Variants in ANKRD28 observed in about 807,000 individuals in gnomAD.
ANKRD28 encodes ankyrin repeat domain 28.
ANKRD28 carries 44 observed loss-of-function variants against 126.5 expected under a neutral mutation model. The observed-to-expected ratio is 0.35, with a 90% CI of 0.27 to 0.45. ANKRD28 has a LOEUF of 0.45. ANKRD28 is among the 20% of genes least tolerant of loss of function. ANKRD28 has a pLI of 1.00. For synonymous variants in ANKRD28, 442 were observed against 468.5 expected (o/e 0.94, Z 0.73); for missense variants, 1,110 against 1,316.6 (o/e 0.84, Z 2.43).
chr3:15,769,849 G>C (rs777199347), intron 2 of ANKRD28, among the ~76,000 whole-genome samples: 21 of 152,126 alleles, frequency 1.4e-4, no homozygotes, highest in Non-Finnish European at 2.9e-4. Context: ...AAGGCAAACA[G>C]TGAACAGTAA....
chr3:15,755,411 A>G (rs1333113626), intron 3 of ANKRD28, among the ~76,000 whole-genome samples: 1 of 152,242 alleles, frequency 6.6e-6, no homozygotes, highest in Non-Finnish European at 1.5e-5. Flanking sequence ...ATAGCAGCAC[A>G]TTTCAGATGG....
intron 21 of ANKRD28, chr3:15,683,833 C>T (rs1230041729): frequency 6.6e-6 from 1 of 152,192 alleles, no homozygotes; most frequent in Non-Finnish European, 1.5e-5. Flanking sequence ...GAACAGCTCC[C>T]AGTGAAAGAA....
intron 1 of ANKRD28, among the ~76,000 whole-genome samples, chr3:15,828,780 T>C (rs760742834): frequency 6.6e-6 from 1 of 152,192 alleles, no homozygotes; most frequent in Non-Finnish European, 1.5e-5. Flanking sequence ...TTCACAGATA[T>C]TTCTTGAAAC....
intron 2 of ANKRD28, among the ~76,000 whole-genome samples, chr3:15,777,770 T>G (rs1294527890): frequency 1.3e-5 from 2 of 151,778 alleles, no homozygotes; most frequent in Admixed American, 1.3e-4. Flanking sequence ...ATTTGCAGTT[T>G]TCTGTTTATG....
intron 2 of ANKRD28, among the ~76,000 whole-genome samples, chr3:15,790,010 T>A (rs1293398087): frequency 6.6e-6 from 1 of 152,052 alleles, no homozygotes; most frequent in Non-Finnish European, 1.5e-5. Flanking sequence ...GTGGTTACTG[T>A]AAGCAACTAT....
At chr3:15,777,294 A>G (rs1277861893) in intron 2 of ANKRD28, among the ~76,000 whole-genome samples, 1 of 151,882 alleles carries the variant, frequency 6.6e-6, no homozygotes, top group East Asian at 1.9e-4. Context: ...AAAAAGAAAA[A>G]AAAGAAAAAA....
intron 3 of ANKRD28, among the ~76,000 whole-genome samples, chr3:15,764,410 T>C (rs1194784533): frequency 6.6e-6 from 1 of 152,066 alleles, no homozygotes; most frequent in East Asian, 1.9e-4. Flanking sequence ...CCATCATACT[T>C]ACAGAAACCA....
rs147896414 is a variant in ANKRD28, at chr3:15,710,837, GA to G, written c.1337+373del. ...CAAAATGAACATTTTTTTCCTGGGG[GA>G]AAAAAAAATTAACAAATCTACTTAA... On this transcript the variant is annotated intron_variant, in intron 12 of 27. Transcript: ENST00000683139. Among the ~76,000 whole-genome samples, 15 of 150,690 alleles carry G rather than the reference GA, an allele frequency of 1.0e-4. No individual in the cohort carries two copies. In the South Asian group the frequency reaches 2.5e-3, roughly 25 times the overall value.
intron 27 of ANKRD28, among the ~76,000 whole-genome samples, chr3:15,675,528 A>G (rs773601997): frequency 2.0e-5 from 3 of 152,232 alleles, no homozygotes; most frequent in Non-Finnish European, 2.9e-5. Flanking sequence ...TGAAGTAGGC[A>G]AAAGGGGACA....
chr3:15,783,489 A>G (rs1217005104), intron 2 of ANKRD28, among the ~76,000 whole-genome samples: 3 of 152,004 alleles, frequency 2.0e-5, no homozygotes, highest in African/African-American at 7.2e-5. Flanking sequence ...TTAAACAAGC[A>G]TATTCAACCA....
rs190962911 is a variant in ANKRD28 at position 15,706,197 on chromosome 3, C to T, written c.1547+1727G>A. On this transcript the variant is annotated intron_variant, in intron 14 of 27. Transcript: ENST00000683139. ...CGTTGGTGTGCTGCACCCATTAACT[C>T]GTCACTTACATTAGGTATACCTCCT... 5.2e-4 allele frequency among the ~76,000 whole-genome samples: 79 copies of T among 152,110 alleles called. 1 individual carries two copies. The East Asian group carries it at 0.015, about 29-fold the overall frequency.
chr3:15,820,909 T>G lies in ANKRD28; in HGVS notation c.28-25603A>C, dbSNP rs1039136566. Reference sequence around the variant, plus strand: ...AAAGTTAAAGTGGTTAGGTCCAAATTTAGTCACTAAACTTTACAGCAATAC... The same window carrying G: ...AAAGTTAAAGTGGTTAGGTCCAAATGTAGTCACTAAACTTTACAGCAATAC... On this transcript the variant is annotated intron_variant, in intron 1 of 27. Transcript: ENST00000399451. Among the ~76,000 whole-genome samples the G allele has an allele frequency of 2.6e-5, 4 of 152,300 alleles. No individual in the cohort carries two copies. In the South Asian group the frequency reaches 8.3e-4, roughly 32 times the overall value.
rs1559332171 is a variant in ANKRD28 at position 15,685,395 on chromosome 3, A to G, written c.2220T>C (p.Ala740=). Residue 740 remains alanine, a synonymous_variant, in exon 21 of 28, where the codon GCT becomes GCC. Coordinates refer to ENST00000683139, the MANE Select transcript of ANKRD28 (RefSeq NM_001349278.2). ...ECVDALLQHG[A]KCLLRDSRGR... is the part of the protein sequence containing the mutation. ...CCCTGCTATCCCGAAGTAAGCACTT[A>G]GCACCATGTTGAAGTAATGCATCTA... 6.2e-7 allele frequency: 1 copy of G among 1,614,040 alleles called. No homozygotes were observed. Among genetic ancestry groups the G allele is most frequent in the Non-Finnish European group, 8.5e-7 (1 of 1,179,876 alleles).
chr3:15,811,425 A>G (rs1392756396), intron 1 of ANKRD28, among the ~76,000 whole-genome samples: 1 of 152,180 alleles, frequency 6.6e-6, no homozygotes, highest in Non-Finnish European at 1.5e-5. Context: ...CAGCTACTGG[A>G]TAGGAGAAAA....
At chr3:15,763,688 C>A (rs1049553780) in intron 3 of ANKRD28, among the ~76,000 whole-genome samples, 1 of 151,888 alleles carries the variant, frequency 6.6e-6, no homozygotes, top group African/African-American at 2.4e-5. Context: ...AACAGCAGTG[C>A]GAAGAACCAG....
At chr3:15,749,727 G>C (rs187955849) in intron 4 of ANKRD28, among the ~76,000 whole-genome samples, 117 of 152,272 alleles carry the variant, frequency 7.7e-4, no homozygotes, top group Non-Finnish European at 2.8e-4. Context: ...CCTAGGAATG[G>C]GTATTCCTGA....
At chr3:15,771,084 A>G (rs1250244753) in intron 2 of ANKRD28, among the ~76,000 whole-genome samples, 1 of 152,148 alleles carries the variant, frequency 6.6e-6, no homozygotes, top group African/African-American at 2.4e-5. Flanking sequence ...AAAGAGGTTT[A>G]TTTGGTTTAT....
intron 1 of ANKRD28, among the ~76,000 whole-genome samples, chr3:15,850,264 A>AGAGAGAGAGAGAGAGAG (rs1553650173): frequency 5.0e-5 from 4 of 80,470 alleles, no homozygotes; most frequent in East Asian, 6.5e-4. Context: ...GAGAGAGAGA[A>AGAGAGAGAGAGAGAGAG]AGTTGAAATC....
intron 6 of ANKRD28, among the ~76,000 whole-genome samples, chr3:15,731,296 A>C (rs2074576410): frequency 6.7e-6 from 1 of 149,972 alleles, no homozygotes; most frequent in Non-Finnish European, 1.5e-5. Context: ...CCTGGCCTTC[A>C]GTTGTATGAA....
Sources: allele counts gnomAD v4.1 joint callset (sites outside exome capture counted in the v4.1 genomes callset), GRCh38; gene constraint gnomAD v4.1.1; transcripts MANE v1.5; gene names NCBI Gene and HGNC (gene_info 2026-07-23, HGNC 2026-07-21).